FANK1: variants seen among roughly 807,000 people sequenced by gnomAD.
FANK1 encodes fibronectin type 3 and ankyrin repeat domains protein 1.
In FANK1, 44 loss-of-function variants were observed where a neutral mutation model predicts 45.3. That is an observed-to-expected ratio of 0.97 (90% CI 0.76 to 1.25). The LOEUF (loss-of-function observed/expected upper bound fraction) is 1.25. Among genes scored for constraint, FANK1 ranks in the 50% most tolerant of loss-of-function variants. The pLI is 0.00. For synonymous variants in FANK1, 149 were observed against 152.5 expected, an observed-to-expected ratio of 0.98 and a Z score of 0.17; for missense variants, 391 against 424.4, an observed-to-expected ratio of 0.92 and a Z score of 0.69.
chr10:125,979,891 C>G (rs1443907481), intron 1 of FANK1: 1 of 567,736 alleles, frequency 1.8e-6, no homozygotes. Context: ...ATATGTTAAG[C>G]AGCCCTTTGG....
intron 7 of FANK1, among the ~76,000 whole-genome samples, chr10:126,006,254 A>C (rs1163578203): frequency 1.3e-5 from 2 of 152,214 alleles, no homozygotes; most frequent in Non-Finnish European, 1.5e-5. Context: ...TAATTGAGGG[A>C]AAGTGAGACT....
At chr10:125,958,092 G>A (rs899053649) in intron 1 of FANK1, among the ~76,000 whole-genome samples, 2 of 152,024 alleles carry the variant, frequency 1.3e-5, no homozygotes, top group African/African-American at 4.8e-5. Context: ...TTGAAACTAT[G>A]TATTACTGTT....
intron 1 of FANK1, among the ~76,000 whole-genome samples, chr10:125,964,100 A>G (rs1950076698): frequency 7.0e-6 from 1 of 142,642 alleles, no homozygotes; most frequent in African/African-American, 2.6e-5. Flanking sequence ...TGACAAAATT[A>G]TTTTTCTTTC....
intron 3 of FANK1, chr10:125,994,408 G>T (rs1486778221): frequency 1.0e-6 from 1 of 985,310 alleles, no homozygotes; most frequent in Non-Finnish European, 1.2e-6. Flanking sequence ...AGACCTTTGA[G>T]GTTTTTTTAG....
rs570956231 is a variant in FANK1, at chr10:125,918,046, C to T, written c.13+21391C>T. Among the ~76,000 whole-genome samples, 9 of 150,760 alleles carry T rather than the reference C, an allele frequency of 6.0e-5. No individual in the cohort carries two copies. In the East Asian group the frequency reaches 7.8e-4, roughly 13 times the overall value. On this transcript the variant is annotated intron_variant, in intron 1 of 10. Coordinates refer to ENST00000368693, the MANE Select transcript of FANK1 (RefSeq NM_145235.5). ...AGTGAATTATGATCATGCCACTGTACTCCAACCTGGGCGACAGAGTGAGAC... is the reference window on the plus strand; with the variant it reads ...AGTGAATTATGATCATGCCACTGTATTCCAACCTGGGCGACAGAGTGAGAC...
chr10:125,963,863 A>G (rs1160601550), intron 1 of FANK1, among the ~76,000 whole-genome samples: 15 of 152,260 alleles, frequency 9.9e-5, no homozygotes, highest in African/African-American at 3.1e-4. Context: ...TGCACGTTGT[A>G]CACATGTACC....
chr10:125,923,356 G>A (rs1564876609), intron 1 of FANK1, among the ~76,000 whole-genome samples: 1 of 151,806 alleles, frequency 6.6e-6, no homozygotes, highest in Non-Finnish European at 1.5e-5. Context: ...AGCTACTTGG[G>A]AGGCTGAGGT....
At chr10:125,957,615 C>T (rs560633335) in intron 1 of FANK1, among the ~76,000 whole-genome samples, 153 of 152,224 alleles carry the variant, frequency 1.0e-3, no homozygotes, top group African/African-American at 3.0e-3. Context: ...ACCTCCATCT[C>T]CCAAATTCAA....
At chr10:125,985,034 C>G (rs1485192730) in intron 2 of FANK1, among the ~76,000 whole-genome samples, 1 of 152,204 alleles carries the variant, frequency 6.6e-6, no homozygotes, top group Non-Finnish European at 1.5e-5. Context: ...GGAGCCATCT[C>G]TAGTGATGCA....
chr10:125,951,000 A>G (rs2134166227), intron 1 of FANK1, among the ~76,000 whole-genome samples: 1 of 148,338 alleles, frequency 6.7e-6, no homozygotes, highest in South Asian at 2.2e-4. Context: ...AGAACAAAAA[A>G]CCAAACACCG....
At chr10:125,973,732 CT>C (rs1950663066) in intron 1 of FANK1, 1 of 152,270 alleles carries the variant, frequency 6.6e-6, no homozygotes, top group African/African-American at 2.4e-5. Context: ...GTCATAAAGT[CT>C]TTTCATGAAG....
At chr10:125,977,455 CCT>C (rs1411971793) in intron 1 of FANK1, among the ~76,000 whole-genome samples, 2 of 152,100 alleles carry the variant, frequency 1.3e-5, no homozygotes, top group African/African-American at 4.8e-5. Context: ...GCGTGGCTCC[CCT>C]GTTTCCTCAC....
chr10:125,969,062 G>A (rs1241845711), intron 1 of FANK1, among the ~76,000 whole-genome samples: 9 of 151,972 alleles, frequency 5.9e-5, no homozygotes, highest in African/African-American at 1.4e-4. Context: ...TCTCATAATC[G>A]TCCTTTTGAG....
At chr10:125,960,641 C>T (rs1486316501) in intron 1 of FANK1, among the ~76,000 whole-genome samples, 2 of 152,360 alleles carry the variant, frequency 1.3e-5, no homozygotes, top group South Asian at 2.1e-4. Context: ...ATTCTTCTGC[C>T]TCAGCCTCCA....
At chr10:125,989,300 C>G in intron 3 of FANK1, 2 of 1,550,588 alleles carry the variant, frequency 1.3e-6, no homozygotes, top group Non-Finnish European at 1.7e-6. Context: ...GAGCAAGAGC[C>G]TTGTAAAAAT....
Position 125,946,577 on chromosome 10 carries a change from G to C in FANK1, c.14-33584G>C, listed in dbSNP as rs996171834. 1.6e-3 allele frequency among the ~76,000 whole-genome samples: 247 copies of C among 151,462 alleles called. 3 individuals are homozygous for C. Among genetic ancestry groups the C allele is most frequent in the Admixed American group, 0.012 (176 of 15,228 alleles). ...TAGAGAAAAAAGAATAAAAATAAAT[G>C]AGCAAAGCCTCCAAGAAATATGGGA... On this transcript the variant is annotated intron_variant, in intron 1 of 10. Coordinates refer to ENST00000368693, the MANE Select transcript of FANK1 (RefSeq NM_145235.5).
chr10:125,929,231 G>A (rs1364733379), intron 1 of FANK1, among the ~76,000 whole-genome samples: 5 of 152,204 alleles, frequency 3.3e-5, no homozygotes, highest in Middle Eastern at 3.2e-3. Flanking sequence ...ATGGGAGAGC[G>A]AGGGGAGGAA....
rs73372534 is a variant in FANK1 at position 126,004,736 on chromosome 10, A to G, written c.540-148A>G. 3.1e-3 allele frequency: 2,164 copies of G among 694,022 alleles called. 24 individuals are homozygous for G. Among genetic ancestry groups the G allele is most frequent in the African/African-American group, 0.023 (1,286 of 56,596 alleles). The allele number at this position is 694,022 out of a possible 1,614,324, so 43.0% of individuals were successfully genotyped here. On this transcript the variant is annotated intron_variant, in intron 6 of 10. Coordinates refer to ENST00000368693, the MANE Select transcript of FANK1 (RefSeq NM_145235.5). ...TATACCACATTTTGTACATCAGTTG[A>G]TGGATACGTGTACGTTTTATATGAA...
intron 1 of FANK1, among the ~76,000 whole-genome samples, chr10:125,945,943 A>C (rs1274976876): frequency 3.3e-5 from 5 of 151,602 alleles, no homozygotes; most frequent in East Asian, 2.1e-4. Context: ...GTCCCTGACC[A>C]CTGACCCCTG....
Sources: gnomAD v4.1 joint callset for allele counts (sites outside exome capture counted in the v4.1 genomes callset) on GRCh38, gnomAD v4.1.1 for gene constraint, MANE v1.5 for transcripts, NCBI Gene and HGNC (gene_info 2026-07-23, HGNC 2026-07-21) for gene names.